The following TRMT2A variants were observed in gnomAD, a reference collection of about 807,000 sequenced individuals.
TRMT2A encodes tRNA methyltransferase 2A, also known as tRNA (uracil-5-)-methyltransferase homolog A.
A neutral mutation model predicts 59.3 loss-of-function variants in TRMT2A; 60 were observed. The observed-to-expected ratio is 1.01, with a 90% CI of 0.82 to 1.26. The LOEUF (loss-of-function observed/expected upper bound fraction) is 1.26. TRMT2A is among the 50% of genes most tolerant of loss of function. TRMT2A has a pLI of 0.00. For synonymous variants in TRMT2A, 403 were observed against 353.7 expected (o/e 1.14, Z -1.56); for missense variants, 863 against 845.2 (o/e 1.02, Z -0.26).
rs576827289 is a variant in TRMT2A, at chr22:20,112,181, T to A, written c.*382A>T. On this transcript the variant is annotated 3_prime_UTR_variant, in exon 12 of 12. Coordinates refer to ENST00000252136, the MANE Select transcript of TRMT2A (RefSeq NM_022727.6). The stretch of plus-strand genomic sequence containing the variant: ...TCGAACATTCTTTTTTAAAGTAAGC[T>A]CTGCCCTGACTCCCCCAGCCATGCA... 51 of 248,480 alleles carry A rather than the reference T, an allele frequency of 2.1e-4. 1 individual carries two copies. In the South Asian group the frequency reaches 5.6e-3, roughly 28 times the overall value. The allele number at this position is 248,480 out of a possible 1,614,324, so 15.4% of individuals were successfully genotyped here.
At position 20,114,955 on chromosome 22, in the gene TRMT2A, C is replaced by T; in HGVS notation, c.1005+10G>A. On this transcript the variant is annotated intron_variant, in intron 5 of 11. Coordinates refer to ENST00000252136, the MANE Select transcript of TRMT2A (RefSeq NM_022727.6). Reference sequence around the variant, plus strand: ...TAGGCACCCTCCCCCAGCAGGGCCCCCGTTGAGACCTGGGGGTGGAAGTAG... The same window carrying T: ...TAGGCACCCTCCCCCAGCAGGGCCCTCGTTGAGACCTGGGGGTGGAAGTAG... 1 of 1,580,316 alleles carries T rather than the reference C, an allele frequency of 6.3e-7. No homozygotes were observed. The highest frequency in any genetic ancestry group is 1.2e-5 in the South Asian group (1 of 86,558).
chr22:20,113,393 G>GCGCCCCCCCC, intron 9 of TRMT2A, 39 bp downstream of exon 9: 1 of 1,556,264 alleles, frequency 6.4e-7, no homozygotes, highest in African/African-American at 1.4e-5. Context: ...GGTGGCGGCT[G>GCGCCCCCCCC]CCCCCATCCC....
chr22:20,116,827 A>ACCCCC, intron 1 of TRMT2A, 56 bp downstream of exon 1: 1 of 1,018,022 alleles, frequency 9.8e-7, no homozygotes, highest in Non-Finnish European at 1.3e-6. Context: ...TTCCTGACCC[A>ACCCCC]CCCCGCCTCC....
At position 20,115,993 on chromosome 22, in the gene TRMT2A, C is replaced by CG; in HGVS notation, c.599+44dup. The CG allele has an allele frequency of 2.6e-6, 4 of 1,518,976 alleles. No homozygotes were observed. The Middle Eastern group carries it at 7.2e-4, about 272-fold the overall frequency. The allele number at this position is 1,518,976 out of a possible 1,614,324, so 94.1% of individuals were successfully genotyped here. A position where few individuals can be genotyped will look rare whatever the true frequency, so the allele number is the denominator to read the frequency against. ...ATGGACAGGCTGAGGAAGCACAGGC[C>CG]GGGCAGAGCCCTGGCCAAGAGGGGC... On this transcript the variant is annotated intron_variant, in intron 2 of 11. Transcript: ENST00000252136.
At position 20,113,731 on chromosome 22, in the gene TRMT2A, C is replaced by T; in HGVS notation, c.1311G>A (p.Leu437=). Residue 437 remains leucine (L), a synonymous_variant, in exon 8 of 12, where the codon CTG becomes CTA. Transcript: ENST00000252136. ...WAQLDAGSMV[L]DVCCGTGTIG... is the part of the protein sequence containing the mutation. ...TGGTGCCGGTGCCACAGCACACGTC[C>T]AGCACCATGCTCCCCGCATCCAATT... is the stretch of plus-strand genomic sequence containing the variant. 6.2e-7 allele frequency: 1 copy of T among 1,607,978 alleles called. No homozygotes were observed. The highest frequency in any genetic ancestry group is 8.5e-7 in the Non-Finnish European group (1 of 1,178,204).
At chr22:20,115,521 G>C in intron 3 of TRMT2A, 74 bp from the exon 4 acceptor site, 1 of 1,576,354 alleles carries the variant, frequency 6.3e-7, no homozygotes, top group Non-Finnish European at 8.6e-7. Context: ...TTCCCCACAG[G>C]GGCTGGCAGT....
Position 20,112,567 on chromosome 22 carries a change from G to A in TRMT2A, c.1874C>T (p.Ser625Phe), listed in dbSNP as rs2049874913. The part of the protein sequence containing the change: ...TLQETGTFPS[S>F] Reference sequence around the variant, plus strand: ...TCCCCATAATGGGTCCTGGGCCTAGGATGAGGGGAAGGTCCCAGTTTCTTG... The same window carrying A: ...TCCCCATAATGGGTCCTGGGCCTAGAATGAGGGGAAGGTCCCAGTTTCTTG... Residue 625 changes from serine to phenylalanine, a missense_variant, in exon 12 of 12, where the codon TCC (serine) becomes TTC (phenylalanine). Transcript: ENST00000252136. 2 of 1,613,686 alleles carry A rather than the reference G, an allele frequency of 1.2e-6. No individual in the cohort carries two copies. The highest frequency in any genetic ancestry group is 1.7e-5 in the Admixed American group (1 of 59,994).
At chr22:20,116,715 C>T (rs964620284) in intron 1 of TRMT2A, 103 bp from the exon 2 acceptor site, 5 of 1,436,516 alleles carry the variant, frequency 3.5e-6, no homozygotes, top group Non-Finnish European at 4.7e-6. Context: ...GTGCACTCTG[C>T]ACTCAGCCCT....
At position 20,116,545 on chromosome 22, in the gene TRMT2A, A is replaced by G; in HGVS notation, c.92T>C (p.Val31Ala). 1.9e-6 allele frequency: 3 copies of G among 1,598,636 alleles called. No individual in the cohort carries two copies. The highest frequency in any genetic ancestry group is 2.6e-6 in the Non-Finnish European group (3 of 1,175,054). The change falls in exon 2 of 12, where the codon GTG becomes GCG. Residue 31 changes from valine (V) to alanine (A), a missense_variant. By Grantham distance (64) the Val-to-Ala change is moderately conservative. Transcript: ENST00000252136. The part of the protein sequence containing the change: ...SSALSCPTVS[V>A]PPAAPAALEE... Reference sequence around the variant, plus strand: ...CAGGGCTGCCGGGGCTGCAGGGGGCACCGAGACGGTAGGGCAGCTCAGGGC... The same window carrying G: ...CAGGGCTGCCGGGGCTGCAGGGGGCGCCGAGACGGTAGGGCAGCTCAGGGC...
chr22:20,112,837 A>G (rs773816634), intron 11 of TRMT2A, 43 bp from the exon 12 acceptor site: 11 of 1,612,580 alleles, frequency 6.8e-6, no homozygotes, highest in Non-Finnish European at 9.3e-6. Flanking sequence ...CCGATAGGCT[A>G]ATCAGGGGCT....
intron 7 of TRMT2A, 39 bp downstream of exon 7, chr22:20,114,535 C>A (rs1365761798): frequency 1.3e-6 from 2 of 1,555,890 alleles, no homozygotes; most frequent in Admixed American, 1.7e-5. Context: ...TCAGGCCTCC[C>A]TCAACATGTC....
Position 20,115,799 on chromosome 22 carries a change from G to C in TRMT2A, c.600-19C>G. ...GATTTCCCTGTAAGAGGAGCAGATC[G>C]GTGGTTGGACTCCACCTACTGCCCC... On this transcript the variant is annotated intron_variant, in intron 2 of 11. Transcript: ENST00000252136. 1 of 1,596,220 alleles carries C rather than the reference G, an allele frequency of 6.3e-7. No individual in the cohort carries two copies. The highest frequency in any genetic ancestry group is 8.6e-7 in the Non-Finnish European group (1 of 1,167,470).
rs1357856775 is a variant in TRMT2A, at chr22:20,116,872, C to T, written c.24+11G>A. The T allele has an allele frequency of 1.3e-5, 21 of 1,603,914 alleles. No homozygotes were observed. Among genetic ancestry groups the T allele is most frequent in the Non-Finnish European group, 1.8e-5 (21 of 1,175,774 alleles). On this transcript the variant is annotated intron_variant, in intron 1 of 11. Transcript: ENST00000252136. ...ATCCCCGTCTCTACCCAGCGTCTCC[C>T]CGCACTCTACCTCGTTGTCGAGGTT...
intron 8 of TRMT2A, 75 bp from the exon 9 acceptor site, chr22:20,113,582 C>G: frequency 6.2e-7 from 1 of 1,608,288 alleles, no homozygotes; most frequent in South Asian, 1.1e-5. Flanking sequence ...CAAAGAGGAG[C>G]TGGGCCTGGG....
At position 20,113,116 on chromosome 22, in the gene TRMT2A, AC is replaced by A. The variant is rs1405149579; in HGVS notation, c.1549+1del. ...CCACCTCCTTAAGCAAAAGCCACTCACGCAAGCCAGCACGGGGTGGGTCCAG... is the reference window on the plus strand; with the variant it reads ...CCACCTCCTTAAGCAAAAGCCACTCAGCAAGCCAGCACGGGGTGGGTCCAG... On this transcript the variant is annotated splice_donor_variant, in intron 10 of 11. Coordinates refer to ENST00000252136, the MANE Select transcript of TRMT2A (RefSeq NM_022727.6). LOFTEE classifies it high-confidence loss of function. The A allele has an allele frequency of 2.5e-6, 4 of 1,605,562 alleles. No individual in the cohort carries two copies. The highest frequency in any genetic ancestry group is 3.4e-6 in the Non-Finnish European group (4 of 1,174,772).
At position 20,116,281 on chromosome 22, in the gene TRMT2A, G is replaced by A. The variant is rs2050014958; in HGVS notation, c.356C>T (p.Ala119Val). The part of the protein sequence containing the change: ...PPCAFVTFRS[A>V]AERDKALRVL... ...GCGCAGGGCCTTGTCCCTCTCTGCA[G>A]CGCTGCGGAATGTCACAAAGGCGCA... Residue 119 changes from alanine to valine, a missense_variant, in exon 2 of 12, where the codon GCT (alanine) becomes GTT (valine). Coordinates refer to ENST00000252136, the MANE Select transcript of TRMT2A (RefSeq NM_022727.6). 3.1e-6 allele frequency: 5 copies of A among 1,612,964 alleles called. No individual in the cohort carries two copies. Among genetic ancestry groups the A allele is most frequent in the Non-Finnish European group, 4.2e-6 (5 of 1,180,028 alleles).
intron 1 of TRMT2A, 121 bp from the exon 2 acceptor site, chr22:20,116,733 C>A: frequency 7.2e-7 from 1 of 1,394,928 alleles, no homozygotes; most frequent in South Asian, 1.4e-5. Context: ...CCTGCCCCTC[C>A]CCCAGTCTAC....
Position 20,117,058 on chromosome 22 carries a change from C to G in TRMT2A, c.-152G>C. The G allele has an allele frequency of 1.0e-6, 1 of 998,622 alleles. No homozygotes were observed. Among genetic ancestry groups the G allele is most frequent in the Non-Finnish European group, 1.5e-6 (1 of 679,338 alleles). The allele number at this position is 998,622 out of a possible 1,614,324, so 61.9% of individuals were successfully genotyped here. A position where few individuals can be genotyped will look rare whatever the true frequency, so the allele number is the denominator to read the frequency against. ...CCGGTGCAACGCCGCGAGGTCGCCGCCACCCCCGGCTTCGCCCCAGGCGGG... is the reference window on the plus strand; with the variant it reads ...CCGGTGCAACGCCGCGAGGTCGCCGGCACCCCCGGCTTCGCCCCAGGCGGG... On this transcript the variant is annotated 5_prime_UTR_variant, in exon 1 of 12. Coordinates refer to ENST00000252136, the MANE Select transcript of TRMT2A (RefSeq NM_022727.6).
rs756623368 is a variant in TRMT2A at position 20,115,738 on chromosome 22, G to A, written c.642C>T (p.Leu214=). 21 of 1,612,534 alleles carry A rather than the reference G, an allele frequency of 1.3e-5. No individual in the cohort carries two copies. The highest frequency in any genetic ancestry group is 5.5e-5 in the South Asian group (5 of 91,078). ...CCTTGTTGTGCTTGTGCCTCTGCTC[G>A]AGCAGCCAGGGCAGCAAGGCACGGT... The part of the protein sequence containing the change: ...STNRALLPWL[L]EQRHKHNKAC... Residue 214 remains leucine, a synonymous_variant, in exon 3 of 12, where the codon CTC becomes CTT. Coordinates refer to ENST00000252136, the MANE Select transcript of TRMT2A (RefSeq NM_022727.6).
Sources: allele counts gnomAD v4.1 joint callset, GRCh38; gene constraint gnomAD v4.1.1; transcripts MANE v1.5; gene names NCBI Gene and HGNC (gene_info 2026-07-23, HGNC 2026-07-21).